Variants in MPST observed in about 807,000 individuals in gnomAD.
MPST encodes mercaptopyruvate sulfurtransferase.
In MPST, 27 loss-of-function variants were observed where a neutral mutation model predicts 28.5. The ratio of observed to expected loss-of-function variants is 0.95; its 90% confidence interval spans 0.70 to 1.31. The LOEUF (loss-of-function observed/expected upper bound fraction) is 1.31, where lower values mean the gene tolerates loss of function less well. Among genes scored for constraint, MPST ranks in the 50% most tolerant of loss-of-function variants. MPST has a pLI of 0.00. For synonymous variants in MPST, 204 were observed against 209.3 expected (o/e 0.97, Z 0.22); for missense variants, 492 against 471.1 (o/e 1.04, Z -0.41).
rs928656058 is a variant in MPST at position 37,024,113 on chromosome 22, C to A, written c.37-79C>A. ...GGGCCGCACCTCCCCCGCCGGCCCT[C>A]GCCCATGCTCCAGCCCCAGCCCTAG... is the stretch of plus-strand genomic sequence containing the variant. On this transcript the variant is annotated intron_variant, in intron 1 of 2. Transcript: ENST00000429360. 3 of 1,317,172 alleles carry A rather than the reference C, an allele frequency of 2.3e-6. No individual in the cohort carries two copies. In the African/African-American group the frequency reaches 4.7e-5, roughly 21 times the overall value. The allele number at this position is 1,317,172 out of a possible 1,614,324, so 81.6% of individuals were successfully genotyped here.
chr22:37,020,036 G>C (rs1024189463), intron 1 of MPST, 164 bp downstream of exon 1: 2 of 410,344 alleles, frequency 4.9e-6, no homozygotes, highest in Admixed American at 8.9e-5. Context: ...TGTCCGCTTG[G>C]GGCGGCCTGC....
At chr22:37,025,866 G>A (rs537734893) in intron 2 of MPST, 2 of 152,248 alleles carry the variant, frequency 1.3e-5, no homozygotes, top group African/African-American at 2.4e-5. Context: ...GGCTCACCAT[G>A]GGCCAGCATT....
At chr22:37,027,295 C>T (rs547634205) in intron 2 of MPST, 1 of 152,320 alleles carries the variant, frequency 6.6e-6, no homozygotes, top group African/African-American at 2.4e-5. Context: ...AAATCCCAGT[C>T]CTGCATGAAA....
At chr22:37,023,939 G>T in intron 1 of MPST, 1 of 1,526,608 alleles carries the variant, frequency 6.6e-7, no homozygotes, top group African/African-American at 1.4e-5. Flanking sequence ...TGAGGGGCGT[G>T]GCCTGGGGCT....
intron 2 of MPST, 68 bp from the exon 3 acceptor site, chr22:37,029,148 C>T (rs1923716484): frequency 6.9e-7 from 1 of 1,443,164 alleles, no homozygotes; most frequent in South Asian, 1.3e-5. Flanking sequence ...ATCTCGAGCA[C>T]CACAAATACG....
In MPST at chr22:37,029,491, GAGGGCCGGGGGAAGACCCACTGA is replaced by G. The variant is rs1388182466; in HGVS notation, c.934_*2del. 1 of 1,607,570 alleles carries G rather than the reference GAGGGCCGGGGGAAGACCCACTGA, an allele frequency of 6.2e-7. No individual in the cohort carries two copies. Among genetic ancestry groups the G allele is most frequent in the Non-Finnish European group, 8.5e-7 (1 of 1,176,586 alleles). On this transcript the variant is annotated frameshift_variant and stop_lost, in exon 3 of 3. Transcript: ENST00000429360. LOFTEE classifies it high-confidence loss of function. ...CGCCCGGCCCGAGGATGTCATCTCA[GAGGGCCGGGGGAAGACCCACTGA>G]AGCTGGGCAGGACACAGGCGAGCTC...
chr22:37,020,001 C>T, intron 1 of MPST, 129 bp downstream of exon 1: 3 of 465,908 alleles, frequency 6.4e-6, no homozygotes. Context: ...AGAAGGCGCG[C>T]CGCTACGTTG....
chr22:37,021,914 C>T (rs1923104779), intron 1 of MPST, among the ~76,000 whole-genome samples: 1 of 152,152 alleles, frequency 6.6e-6, no homozygotes, highest in African/African-American at 2.4e-5. Context: ...AGACCCTACA[C>T]ACCCACATCA....
rs1404391157 is a variant in MPST, at chr22:37,024,955, C to T, written c.655+145C>T. On this transcript the variant is annotated intron_variant, in intron 2 of 2. Coordinates refer to ENST00000429360, the MANE Select transcript of MPST (RefSeq NM_021126.8). ...TTTTTCTTTCCTTTCCTTCCCTTTC[C>T]CTTCCCTCCTTTCCCCCTTTTCCCT... 6.6e-6 allele frequency: 10 copies of T among 1,514,804 alleles called. No homozygotes were observed. In the East Asian group the frequency reaches 2.2e-4, roughly 33 times the overall value. The allele number at this position is 1,514,804 out of a possible 1,614,324, so 93.8% of individuals were successfully genotyped here.
chr22:37,022,183 C>A (rs1167070740), intron 1 of MPST, among the ~76,000 whole-genome samples: 2 of 152,098 alleles, frequency 1.3e-5, no homozygotes, highest in Admixed American at 1.3e-4. Flanking sequence ...CACCCCTTAG[C>A]CAAACACCCC....
rs1331686709 is a variant in MPST at position 37,024,752 on chromosome 22, G to A, written c.597G>A (p.Gln199=). 7 of 1,601,674 alleles carry A rather than the reference G, an allele frequency of 4.4e-6. No individual in the cohort carries two copies. Among genetic ancestry groups the A allele is most frequent in the Non-Finnish European group, 5.9e-6 (7 of 1,179,726 alleles). Residue 199 remains glutamine (Q), a synonymous_variant, in exon 2 of 3, where the codon CAG becomes CAA. Transcript: ENST00000429360. The part of the protein sequence containing the change: ...IKENLESRRF[Q]VVDSRATGRF... ...AGAACCTGGAATCCCGGCGCTTCCAGGTGGTGGACTCCCGAGCCACTGGCA... is the reference window on the plus strand; with the variant it reads ...AGAACCTGGAATCCCGGCGCTTCCAAGTGGTGGACTCCCGAGCCACTGGCA...
At chr22:37,023,544 G>A (rs113233745) in intron 1 of MPST, 4,694 of 158,638 alleles carry the variant, frequency 0.03, 255 homozygotes, top group African/African-American at 0.11. Context: ...GATTACAAGC[G>A]TGAGCCACCG....
chr22:37,023,855 C>T lies in MPST; in HGVS notation c.37-337C>T, dbSNP rs151093236. 5.9e-5 allele frequency: 83 copies of T among 1,414,068 alleles called. No individual in the cohort carries two copies. In the East Asian group the frequency reaches 2.4e-3, roughly 40 times the overall value. The allele number at this position is 1,414,068 out of a possible 1,614,324, so 87.6% of individuals were successfully genotyped here. A position where few individuals can be genotyped will look rare whatever the true frequency, so the allele number is the denominator to read the frequency against. ...TTAGGGAGGGGTGGAGACTTTGCCC[C>T]TGTTTGTGCCTTGAAGCCAGCAGGG... On this transcript the variant is annotated intron_variant, in intron 1 of 2. Transcript: ENST00000429360.
intron 2 of MPST, chr22:37,025,365 A>T (rs1923444249): frequency 9.6e-6 from 3 of 311,630 alleles, no homozygotes; most frequent in Non-Finnish European, 1.9e-5. Flanking sequence ...GATCAGGGCT[A>T]CCCATGCCCC....
chr22:37,020,064 A>C, intron 1 of MPST, 192 bp downstream of exon 1: 1 of 207,956 alleles, frequency 4.8e-6, no homozygotes, highest in Non-Finnish European at 9.3e-6. Context: ...GGTCGTGGCG[A>C]GTGGCGGGTG....
chr22:37,022,692 C>T (rs1256065446), intron 1 of MPST, among the ~76,000 whole-genome samples: 1 of 152,230 alleles, frequency 6.6e-6, no homozygotes, highest in Non-Finnish European at 1.5e-5. Context: ...TAATACCCGC[C>T]CAAGGCTGCG....
At chr22:37,025,549 ATAATGCG>A in intron 2 of MPST, 1 of 176,566 alleles carries the variant, frequency 5.7e-6, no homozygotes, top group South Asian at 1.3e-4. Context: ...TAAGCTCTGT[ATAATGCG>A]AGGAGGAGTC....
chr22:37,023,722 TCA>T, intron 1 of MPST: 1 of 1,102,446 alleles, frequency 9.1e-7, no homozygotes, highest in Non-Finnish European at 1.1e-6. Context: ...CAGCAAGGAC[TCA>T]GTAAATTCCA....
At chr22:37,019,946 G>A in intron 1 of MPST, 74 bp downstream of exon 1, 1 of 734,372 alleles carries the variant, frequency 1.4e-6, no homozygotes, top group Non-Finnish European at 1.9e-6. Context: ...TCGGCGCGGG[G>A]CTCCCGCGCG....
Sources: allele counts gnomAD v4.1 joint callset (sites outside exome capture counted in the v4.1 genomes callset), GRCh38; gene constraint gnomAD v4.1.1; transcripts MANE v1.5; gene names NCBI Gene and HGNC (gene_info 2026-07-23, HGNC 2026-07-21).